Variants in ACRBP observed in about 807,000 individuals in gnomAD.
The protein encoded by ACRBP is acrosin binding protein, also known as acrosin-binding protein.
In ACRBP, 52 loss-of-function variants were observed where a neutral mutation model predicts 69.0. The ratio of observed to expected loss-of-function variants is 0.75; its 90% CI spans 0.60 to 0.95. ACRBP has a LOEUF of 0.95. Among genes scored for constraint, ACRBP ranks in the 40% least tolerant of loss-of-function variants. The pLI is 0.00. For synonymous variants in ACRBP, 267 were observed against 258.9 expected, an observed-to-expected ratio of 1.03 and a Z score of -0.30; for missense variants, 604 against 673.0, an observed-to-expected ratio of 0.90 and a Z score of 1.13.
intron 3 of ACRBP, among the ~76,000 whole-genome samples, chr12:6,645,785 C>T (rs1299386567): frequency 6.6e-6 from 1 of 151,540 alleles, no homozygotes; most frequent in Non-Finnish European, 1.5e-5. Flanking sequence ...CTCAGTCTCT[C>T]GAGTAGCTGG....
At chr12:6,643,142 C>T (rs942728610) in intron 6 of ACRBP, among the ~76,000 whole-genome samples, 1 of 152,074 alleles carries the variant, frequency 6.6e-6, no homozygotes, top group African/African-American at 2.4e-5. Flanking sequence ...ATAGTCCCAG[C>T]TACTCGGGAG....
intron 1 of ACRBP, 32 bp downstream of exon 1, chr12:6,647,290 GGA>G (rs1229674097): frequency 1.9e-6 from 3 of 1,541,400 alleles, no homozygotes; most frequent in Non-Finnish European, 2.6e-6. Context: ...ACTAGCCCGG[GGA>G]GAGTCTGTTG....
chr12:6,639,082 ACCAGGCAGCAGCACT>A, intron 8 of ACRBP, 45 bp from the exon 9 acceptor site: 1 of 1,547,330 alleles, frequency 6.5e-7, no homozygotes, highest in Non-Finnish European at 8.9e-7. Context: ...CAGAAGCCTC[ACCAGGCAGCAGCACT>A]CCAGGGAATA....
intron 6 of ACRBP, among the ~76,000 whole-genome samples, chr12:6,642,665 A>C (rs1949061168): frequency 6.6e-6 from 1 of 152,224 alleles, no homozygotes; most frequent in Non-Finnish European, 1.5e-5. Flanking sequence ...ATATAGGACA[A>C]GTATGCTCTA....
chr12:6,642,905 A>G (rs1195973257), intron 6 of ACRBP, among the ~76,000 whole-genome samples: 2 of 152,218 alleles, frequency 1.3e-5, no homozygotes, highest in African/African-American at 4.8e-5. Context: ...GGAAAGAAGA[A>G]GAGCTGCATC....
chr12:6,644,241 C>T lies in ACRBP; in HGVS notation c.840G>A (p.Met280Ile), dbSNP rs1445745081. Residue 280 changes from methionine (M) to isoleucine (I), a missense_variant, in exon 5 of 10, where the codon ATG (methionine) becomes ATA (isoleucine). Transcript: ENST00000229243. ...PRVREVESTPMIMENIQELIR... is the reference protein window; with the variant it reads ...PRVREVESTPIIMENIQELIR... ...TGAGCTCCTGGATGTTCTCCATTAT[C>T]ATAGGAGTAGACTCTACTTCTCGTA... 6.2e-7 allele frequency: 1 copy of T among 1,614,118 alleles called. No individual in the cohort carries two copies. Among genetic ancestry groups the T allele is most frequent in the East Asian group, 2.2e-5 (1 of 44,886 alleles).
chr12:6,643,257 C>T (rs1565392176), intron 6 of ACRBP, among the ~76,000 whole-genome samples: 1 of 145,514 alleles, frequency 6.9e-6, no homozygotes, highest in African/African-American at 2.5e-5. Flanking sequence ...GACCCTGTCT[C>T]AAAAAAAAAA....
intron 8 of ACRBP, among the ~76,000 whole-genome samples, chr12:6,639,597 G>C (rs1179852367): frequency 6.6e-6 from 1 of 152,214 alleles, no homozygotes; most frequent in Non-Finnish European, 1.5e-5. Context: ...ATTCCACAGG[G>C]GAGGTAACTC....
In ACRBP at chr12:6,644,396, C is replaced by CCTCTTCCTGTTCCTCTTCTTG; in HGVS notation, c.664_684dup (p.Gln222_Glu228dup). ...CCCTGTCCTTCTTCCTGCTTTCCCT[C>CCTCTTCCTGTTCCTCTTCTTG]CTCTTCCTGTTCCTCTTCTTGCTCT... On this transcript the variant is annotated inframe_insertion, in exon 5 of 10. Coordinates refer to ENST00000229243, the MANE Select transcript of ACRBP (RefSeq NM_032489.3). The CCTCTTCCTGTTCCTCTTCTTG allele has an allele frequency of 1.2e-6, 2 of 1,614,064 alleles. No individual in the cohort carries two copies. The highest frequency in any genetic ancestry group is 1.7e-6 in the Non-Finnish European group (2 of 1,179,982).
In ACRBP at chr12:6,640,351, C is replaced by G. The variant is rs577478690; in HGVS notation, c.1249G>C (p.Gly417Arg). 15 of 1,614,104 alleles carry G rather than the reference C, an allele frequency of 9.3e-6. No homozygotes were observed. Among genetic ancestry groups the G allele is most frequent in the Admixed American group, 1.7e-5 (1 of 60,026 alleles). The change falls in exon 7 of 10, where the codon GGC becomes CGC. Residue 417 changes from glycine to arginine, a missense_variant. This residue lies in a region of ACRBP where 532 missense variants were observed against 562.9 expected (regional missense o/e 0.95). Coordinates refer to ENST00000229243, the MANE Select transcript of ACRBP (RefSeq NM_032489.3). This position sits in a 1 kb window ranked among gnomAD's most constrained non-coding sequence, Gnocchi z 5.3. Reference protein sequence around the residue: ...PLLASQSLSIGNQVGSPESGR... With the variant: ...PLLASQSLSIRNQVGSPESGR... ...GCTGCCGGGCTAGATACCTGGTTGCCGATGGACAGGCTCTGGGAGGCAAGC... is the reference window on the plus strand; with the variant it reads ...GCTGCCGGGCTAGATACCTGGTTGCGGATGGACAGGCTCTGGGAGGCAAGC...
At chr12:6,643,794 G>C in intron 5 of ACRBP, 123 bp from the exon 6 acceptor site, 2 of 1,328,658 alleles carry the variant, frequency 1.5e-6, no homozygotes, top group South Asian at 1.4e-5. Flanking sequence ...GCTTAGCATG[G>C]GGCCTTAGAG....
intron 3 of ACRBP, 43 bp downstream of exon 3, chr12:6,646,440 T>G: frequency 6.4e-7 from 1 of 1,574,212 alleles, no homozygotes; most frequent in Non-Finnish European, 8.7e-7. Flanking sequence ...CGCCTCTCCC[T>G]TGGCCCTGGG....
At chr12:6,641,248 C>T (rs1949050716) in intron 6 of ACRBP, among the ~76,000 whole-genome samples, 1 of 152,210 alleles carries the variant, frequency 6.6e-6, no homozygotes. Flanking sequence ...CTGCCCTCAG[C>T]TTCCTCAGCA....
At chr12:6,647,044 C>A in intron 1 of ACRBP, 32 bp from the exon 2 acceptor site, 1 of 1,591,494 alleles carries the variant, frequency 6.3e-7, no homozygotes, top group Non-Finnish European at 8.6e-7. Context: ...GATGGAAGGA[C>A]CGAACCCCAA....
In ACRBP at chr12:6,640,261, C is replaced by A; in HGVS notation, c.1258-34G>T. On this transcript the variant is annotated intron_variant, in intron 7 of 9. Transcript: ENST00000229243. This position sits in a 1 kb window ranked among gnomAD's most constrained non-coding sequence, Gnocchi z 5.3. ...CAGGAGATAGGGGAGAGGTGCGTGC[C>A]CCTCCCCACCTGCTGGCCACCACCA... is the stretch of plus-strand genomic sequence containing the variant. 3 of 1,613,094 alleles carry A rather than the reference C, an allele frequency of 1.9e-6. No individual in the cohort carries two copies. Among genetic ancestry groups the A allele is most frequent in the Middle Eastern group, 3.3e-4 (2 of 6,060 alleles).
rs190631925 is a variant in ACRBP, at chr12:6,639,729, C to T, written c.1425+331G>A. Among the ~76,000 whole-genome samples, 335 of 152,344 alleles carry T rather than the reference C, an allele frequency of 2.2e-3. 3 individuals carry two copies. Among genetic ancestry groups the T allele is most frequent in the African/African-American group, 7.6e-3 (316 of 41,574 alleles). On this transcript the variant is annotated intron_variant, in intron 8 of 9. Transcript: ENST00000229243. ...GGGTTGGGCAGTGGTGCACGTGTCACTCAGTCATTTCTTGTAGAGATGACT... is the reference window on the plus strand; with the variant it reads ...GGGTTGGGCAGTGGTGCACGTGTCATTCAGTCATTTCTTGTAGAGATGACT...
At chr12:6,641,044 G>A (rs894594027) in intron 6 of ACRBP, among the ~76,000 whole-genome samples, 4 of 152,190 alleles carry the variant, frequency 2.6e-5, no homozygotes, top group African/African-American at 9.7e-5. Flanking sequence ...CTCATTTACT[G>A]ACAAGGAAAC....
chr12:6,645,575 C>A (rs1429004198), intron 3 of ACRBP, among the ~76,000 whole-genome samples: 6 of 152,148 alleles, frequency 3.9e-5, no homozygotes, highest in Non-Finnish European at 7.4e-5. Context: ...AATCACTGAC[C>A]TGTTCGAAGA....
rs1949025774 is a variant in ACRBP at position 6,638,315 on chromosome 12, C to G, written c.1599G>C (p.Glu533Asp). The stretch of plus-strand genomic sequence containing the variant: ...ACTGGCCTAGAGTCAAGGTGCTGAA[C>G]TCCTGGCTCCATCGAAGCACAACGT... ...SEDVVLRWSQEFSTLTLGQFG is the reference protein window; with the variant it reads ...SEDVVLRWSQDFSTLTLGQFG Residue 533 changes from glutamate to aspartate, a missense_variant, in exon 10 of 10, where the codon GAG becomes GAC. Around this residue, in one of 3 missense-constraint regions of ACRBP, gnomAD observed 51 missense variants for 60.1 expected, o/e 0.85. Coordinates refer to ENST00000229243, the MANE Select transcript of ACRBP (RefSeq NM_032489.3). 4 of 1,614,056 alleles carry G rather than the reference C, an allele frequency of 2.5e-6. No homozygotes were observed. The highest frequency in any genetic ancestry group is 2.5e-6 in the Non-Finnish European group (3 of 1,180,034).
Sources: allele counts gnomAD v4.1 joint callset (sites outside exome capture counted in the v4.1 genomes callset), GRCh38; gene constraint gnomAD v4.1.1; regional missense constraint gnomAD v4.1.1; non-coding constraint Gnocchi (gnomAD v3.1); transcripts MANE v1.5; gene names NCBI Gene and HGNC (gene_info 2026-07-23, HGNC 2026-07-21).